Variants in PTGER4 observed in about 807,000 individuals in gnomAD.
PTGER4 encodes the protein prostaglandin E receptor 4.
Under a neutral mutation model 33.2 loss-of-function variants are expected in PTGER4, and 11 were observed. The ratio of observed to expected loss-of-function variants is 0.33; its 90% CI spans 0.21 to 0.55. The LOEUF (loss-of-function observed/expected upper bound fraction) is 0.55, where lower values mean the gene tolerates loss of function less well. Among genes scored for constraint, PTGER4 ranks in the 20% least tolerant of loss-of-function variants. The probability of loss-of-function intolerance (pLI) is 0.92; values close to 1 mark genes in which losing one functional copy is unlikely to be tolerated. For synonymous variants in PTGER4, 275 were observed against 281.5 expected, an observed-to-expected ratio of 0.98 and a Z score of 0.23; for missense variants, 481 against 650.2, an observed-to-expected ratio of 0.74 and a Z score of 2.83.
downstream of PTGER4, among the ~76,000 whole-genome samples, chr5:40,695,470 C>T (rs771611804): frequency 7.9e-5 from 12 of 152,134 alleles, no homozygotes; most frequent in East Asian, 3.9e-4. Context: ...CGTTTAAACC[C>T]GGGAGGCGGG....
At chr5:40,710,896 GGC>G in the PTGER4 span, among the ~76,000 whole-genome samples, 1 of 152,072 alleles carries the variant, frequency 6.6e-6, no homozygotes, top group Non-Finnish European at 1.5e-5. Flanking sequence ...TTGGACACAG[GGC>G]AGGGAACATC....
chr5:40,706,009 C>T, the PTGER4 span, among the ~76,000 whole-genome samples: 1 of 152,110 alleles, frequency 6.6e-6, no homozygotes, highest in African/African-American at 2.4e-5. Flanking sequence ...AGCATTCTAC[C>T]ATAAAAACAC....
In PTGER4 at chr5:40,681,620, G is replaced by C. The variant is rs1219774552; in HGVS notation, c.627G>C (p.Ala209=). Residue 209 remains alanine, a synonymous_variant, in exon 2 of 3, where the codon GCG becomes GCC. Transcript: ENST00000302472. The surrounding 1 kb of genome is among the most constrained non-coding windows in gnomAD (Gnocchi z 9.8). The part of the protein sequence containing the change: ...TVLCNVLVCG[A]LLRMHRQFMR... ...TCTGCAACGTGCTTGTGTGCGGCGC[G>C]CTGCTCCGCATGCACCGCCAGTTCA... The C allele has an allele frequency of 6.2e-7, 1 of 1,605,330 alleles. No individual in the cohort carries two copies.
chr5:40,705,143 C>G, the PTGER4 span, among the ~76,000 whole-genome samples: 1 of 152,034 alleles, frequency 6.6e-6, no homozygotes, highest in Admixed American at 6.5e-5. Flanking sequence ...AACAATGGAA[C>G]AAAGTAGACA....
the PTGER4 span, among the ~76,000 whole-genome samples, chr5:40,732,234 C>T: frequency 1.3e-5 from 2 of 151,958 alleles, no homozygotes; most frequent in Admixed American, 1.3e-4. Context: ...TCAGGCTGGT[C>T]TCAAACTTCT....
At chr5:40,704,992 AC>A in the PTGER4 span, among the ~76,000 whole-genome samples, 1 of 152,182 alleles carries the variant, frequency 6.6e-6, no homozygotes. Flanking sequence ...TTTATATGGA[AC>A]CAAAAAAGAG....
chr5:40,703,684 C>G, the PTGER4 span, among the ~76,000 whole-genome samples: 1 of 151,824 alleles, frequency 6.6e-6, no homozygotes, highest in African/African-American at 2.4e-5. Context: ...GTGGACAGAT[C>G]ACAAGGTCAA....
At chr5:40,725,920 G>A in the PTGER4 span, among the ~76,000 whole-genome samples, 4 of 151,680 alleles carry the variant, frequency 2.6e-5, no homozygotes, top group Admixed American at 2.6e-4. Context: ...CGAGCAGCTG[G>A]GACTACAGGC....
chr5:40,743,470 G>A, the PTGER4 span, among the ~76,000 whole-genome samples: 6 of 152,120 alleles, frequency 3.9e-5, no homozygotes, highest in African/African-American at 1.2e-4. Context: ...ATCAAGTTTA[G>A]TAGCCTCTTA....
chr5:40,738,722 CT>C, the PTGER4 span, among the ~76,000 whole-genome samples: 2 of 152,044 alleles, frequency 1.3e-5, no homozygotes, highest in African/African-American at 4.8e-5. Flanking sequence ...TACTGTCAAT[CT>C]TTTCAATGTT....
chr5:40,733,380 TC>T, the PTGER4 span, among the ~76,000 whole-genome samples: 5 of 152,094 alleles, frequency 3.3e-5, no homozygotes, highest in African/African-American at 1.2e-4. Context: ...TATTACTGTA[TC>T]CCAAAATAAG....
At chr5:40,716,134 T>C in the PTGER4 span, 38,972 of 1,578,996 alleles carry the variant, frequency 0.025, 587 homozygotes, top group Non-Finnish European at 0.03. Context: ...AATAATCCTA[T>C]GCATACTGCT....
downstream of PTGER4, chr5:40,696,594 G>A (rs894089768): frequency 3.5e-6 from 3 of 849,698 alleles, no homozygotes; most frequent in African/African-American, 5.5e-5. Context: ...TGGGTCTTTG[G>A]TCCTTCTATC....
chr5:40,746,418 G>C, the PTGER4 span, among the ~76,000 whole-genome samples: 1 of 151,942 alleles, frequency 6.6e-6, no homozygotes, highest in African/African-American at 2.4e-5. Context: ...AAGCTATTCA[G>C]GAAATGCCTA....
the PTGER4 span, among the ~76,000 whole-genome samples, chr5:40,722,282 T>G: frequency 2.7e-3 from 409 of 152,274 alleles, 1 homozygote; most frequent in Middle Eastern, 0.017. Flanking sequence ...GCCGCCTGCC[T>G]TGGCCTCCCA....
chr5:40,681,236 G>C lies in PTGER4; in HGVS notation c.243G>C (p.Met81Ile), dbSNP rs1741177956. ...GCCCGGTGACCATCGCCACGTACATGAAGGGCCAATGGCCCGGGGGCCAGC... is the reference window on the plus strand; with the variant it reads ...GCCCGGTGACCATCGCCACGTACATCAAGGGCCAATGGCCCGGGGGCCAGC... ...LVSPVTIATY[M>I]KGQWPGGQPL... The change falls in exon 2 of 3, where the codon ATG becomes ATC. Residue 81 changes from methionine (M) to isoleucine (I), a missense_variant. Coordinates refer to ENST00000302472, the MANE Select transcript of PTGER4 (RefSeq NM_000958.3). This position sits in a 1 kb window ranked among gnomAD's most constrained non-coding sequence, Gnocchi z 9.8. The C allele has an allele frequency of 6.2e-7, 1 of 1,614,148 alleles. No individual in the cohort carries two copies. The highest frequency in any genetic ancestry group is 1.7e-5 in the Admixed American group (1 of 60,026).
chr5:40,703,757 G>T, the PTGER4 span, among the ~76,000 whole-genome samples: 33 of 151,754 alleles, frequency 2.2e-4, no homozygotes, highest in Non-Finnish European at 5.9e-5. Context: ...ATAAAAATTA[G>T]CTGGGCATGG....
chr5:40,682,302 A>C (rs1741217844), intron 2 of PTGER4, among the ~76,000 whole-genome samples: 2 of 152,130 alleles, frequency 1.3e-5, no homozygotes, highest in African/African-American at 4.8e-5. Context: ...AACCATTTTT[A>C]AGGAAAGTGG....
the PTGER4 span, among the ~76,000 whole-genome samples, chr5:40,740,032 G>C: frequency 2.0e-5 from 3 of 151,622 alleles, no homozygotes. Flanking sequence ...GGTTTCTCTA[G>C]GGTCTAGGTT....
Sources: gnomAD v4.1 joint callset for allele counts (sites outside exome capture counted in the v4.1 genomes callset) on GRCh38, gnomAD v4.1.1 for gene constraint, Gnocchi (gnomAD v3.1) non-coding constraint, MANE v1.5 for transcripts, NCBI Gene and HGNC (gene_info 2026-07-23, HGNC 2026-07-21) for gene names.